Variants in NKAIN2 observed in about 807,000 individuals in gnomAD.
The protein encoded by NKAIN2 is sodium/potassium-transporting ATPase subunit beta-1-interacting protein 2.
A neutral mutation model predicts 32.6 loss-of-function variants in NKAIN2; 14 were observed. That is an observed-to-expected ratio of 0.43 (90% CI 0.28 to 0.67). The LOEUF is 0.67. NKAIN2 is among the 30% of genes least tolerant of loss of function. The pLI, the probability that NKAIN2 is intolerant of heterozygous loss-of-function variation, is 0.17. For synonymous variants in NKAIN2, 80 were observed against 87.2 expected, an observed-to-expected ratio of 0.92 and a Z score of 0.46; for missense variants, 198 against 258.3, an observed-to-expected ratio of 0.77 and a Z score of 1.60.
chr6:123,866,094 A>T (rs1772493770), intron 1 of NKAIN2, among the ~76,000 whole-genome samples: 1 of 152,208 alleles, frequency 6.6e-6, no homozygotes, highest in Non-Finnish European at 1.5e-5. Flanking sequence ...ACTTAAGTAA[A>T]GCTGACTTTT....
intron 1 of NKAIN2, among the ~76,000 whole-genome samples, chr6:124,063,055 G>A (rs1212498769): frequency 6.6e-6 from 1 of 151,916 alleles, no homozygotes; most frequent in Non-Finnish European, 1.5e-5. Context: ...GCATGCTGAT[G>A]GGTTCCTGTA....
At chr6:124,257,029 G>A (rs1168413135) in intron 1 of NKAIN2, among the ~76,000 whole-genome samples, 5 of 151,348 alleles carry the variant, frequency 3.3e-5, no homozygotes, top group Admixed American at 1.3e-4. Flanking sequence ...TCTCGAAGGC[G>A]TTGTCACTGA....
chr6:123,814,835 C>T (rs750446150), intron 1 of NKAIN2, among the ~76,000 whole-genome samples: 10 of 152,106 alleles, frequency 6.6e-5, no homozygotes, highest in Admixed American at 2.0e-4. Flanking sequence ...AAGAGCCAGA[C>T]GTGCAGGCCC....
chr6:124,076,559 T>G (rs543952933), intron 1 of NKAIN2, among the ~76,000 whole-genome samples: 2 of 152,280 alleles, frequency 1.3e-5, no homozygotes, highest in South Asian at 2.1e-4. Context: ...GCTCTCTGCT[T>G]TAGATGGAAC....
At chr6:124,370,788 A>G (rs1168892828) in intron 3 of NKAIN2, among the ~76,000 whole-genome samples, 2 of 152,090 alleles carry the variant, frequency 1.3e-5, no homozygotes, top group Non-Finnish European at 2.9e-5. Context: ...ACAAGCAGGC[A>G]CACTTCTTGC....
chr6:124,505,815 T>G (rs1020241843), intron 3 of NKAIN2, among the ~76,000 whole-genome samples: 1 of 152,100 alleles, frequency 6.6e-6, no homozygotes, highest in African/African-American at 2.4e-5. Context: ...TGTCCTTTAA[T>G]TGAGTGCCTG....
intron 1 of NKAIN2, among the ~76,000 whole-genome samples, chr6:123,888,472 G>A (rs1773835989): frequency 6.6e-6 from 1 of 152,078 alleles, no homozygotes; most frequent in South Asian, 2.1e-4. Flanking sequence ...AAAATACTGA[G>A]CTATGTCTAA....
intron 3 of NKAIN2, among the ~76,000 whole-genome samples, chr6:124,544,500 A>G (rs1205988964): frequency 6.6e-6 from 1 of 152,126 alleles, no homozygotes; most frequent in Non-Finnish European, 1.5e-5. Context: ...TGAAAATGAC[A>G]TGAAACTAGG....
intron 1 of NKAIN2, among the ~76,000 whole-genome samples, chr6:124,046,401 C>T (rs1024214633): frequency 2.0e-5 from 3 of 151,910 alleles, no homozygotes; most frequent in Non-Finnish European, 4.4e-5. Context: ...ATACTAAATA[C>T]CATTACCAAT....
chr6:123,884,561 A>G (rs1582712250), intron 1 of NKAIN2, among the ~76,000 whole-genome samples: 1 of 152,168 alleles, frequency 6.6e-6, no homozygotes, highest in South Asian at 2.1e-4. Flanking sequence ...AGTTTAATTA[A>G]TCCTCTAATA....
intron 1 of NKAIN2, among the ~76,000 whole-genome samples, chr6:124,028,823 A>ACG: frequency 3.6e-5 from 5 of 137,690 alleles, no homozygotes; most frequent in African/African-American, 1.5e-4. Flanking sequence ...GTATATGTGT[A>ACG]TATATATACA....
At chr6:124,191,934 A>G (rs1018781431) in intron 1 of NKAIN2, among the ~76,000 whole-genome samples, 1 of 151,974 alleles carries the variant, frequency 6.6e-6, no homozygotes, top group African/African-American at 2.4e-5. Flanking sequence ...TATCCTTTTC[A>G]TATCTGTAAA....
At chr6:124,484,507 A>G (rs1280100541) in intron 3 of NKAIN2, among the ~76,000 whole-genome samples, 1 of 152,218 alleles carries the variant, frequency 6.6e-6, no homozygotes, top group Non-Finnish European at 1.5e-5. Context: ...AAATATATAT[A>G]ACTATGTTAA....
chr6:124,695,089 A>C (rs1001423806), intron 4 of NKAIN2, among the ~76,000 whole-genome samples: 1 of 151,780 alleles, frequency 6.6e-6, no homozygotes, highest in African/African-American at 2.4e-5. Context: ...TAGTGCATGG[A>C]AAGACTGTTC....
chr6:124,270,416 A>G (rs1794703496), intron 1 of NKAIN2, among the ~76,000 whole-genome samples: 1 of 152,062 alleles, frequency 6.6e-6, no homozygotes, highest in African/African-American at 2.4e-5. Flanking sequence ...TCAGCTTTTC[A>G]GAAAAAAAAA....
intron 3 of NKAIN2, among the ~76,000 whole-genome samples, chr6:124,499,155 A>G (rs1203131077): frequency 3.9e-5 from 6 of 152,218 alleles, no homozygotes; most frequent in African/African-American, 7.2e-5. Flanking sequence ...GATTGCTACA[A>G]GTTAATTTAG....
At chr6:124,619,127 A>C (rs1783017188) in intron 3 of NKAIN2, among the ~76,000 whole-genome samples, 1 of 152,222 alleles carries the variant, frequency 6.6e-6, no homozygotes, top group African/African-American at 2.4e-5. Context: ...TAATTAGAAC[A>C]TGAAGACCAA....
chr6:124,007,561 C>A (rs1482868132), intron 1 of NKAIN2, among the ~76,000 whole-genome samples: 2 of 152,160 alleles, frequency 1.3e-5, no homozygotes, highest in East Asian at 3.9e-4. Flanking sequence ...TGCTCTGAAC[C>A]AAATGCAGCA....
chr6:124,538,473 T>G (rs886211175), intron 3 of NKAIN2, among the ~76,000 whole-genome samples: 2 of 152,142 alleles, frequency 1.3e-5, no homozygotes, highest in African/African-American at 4.8e-5. Flanking sequence ...AGAGCTTTAT[T>G]TATTTATGTT....
Sources: gnomAD v4.1 joint callset for allele counts (sites outside exome capture counted in the v4.1 genomes callset) on GRCh38, gnomAD v4.1.1 for gene constraint, MANE v1.5 for transcripts, NCBI Gene and HGNC (gene_info 2026-07-23, HGNC 2026-07-21) for gene names.